The following STXBP5L variants were observed in gnomAD, a reference collection of about 807,000 sequenced individuals.
The protein encoded by STXBP5L is syntaxin binding protein 5L.
Under a neutral mutation model 144.5 loss-of-function variants are expected in STXBP5L, and 65 were observed. The ratio of observed to expected loss-of-function variants is 0.45; its 90% CI spans 0.37 to 0.55. STXBP5L has a LOEUF of 0.55. STXBP5L is among the 20% of genes least tolerant of loss of function. STXBP5L has a pLI of 0.00. For missense variants in STXBP5L, 1,298 were observed against 1,405.5 expected (o/e 0.92, Z 1.22); for synonymous variants, 505 against 469.6 (o/e 1.08, Z -0.97).
At chr3:121,185,981 G>C (rs950426092) in intron 9 of STXBP5L, among the ~76,000 whole-genome samples, 1 of 152,056 alleles carries the variant, frequency 6.6e-6, no homozygotes, top group Non-Finnish European at 1.5e-5. Flanking sequence ...ACTGAGCAGT[G>C]GTTTGTAGTT....
chr3:121,038,240 T>G (rs944425968), intron 3 of STXBP5L, among the ~76,000 whole-genome samples: 1 of 151,992 alleles, frequency 6.6e-6, no homozygotes, highest in Non-Finnish European at 1.5e-5. Context: ...TTACATAATT[T>G]AAGATCTTTT....
chr3:121,302,073 G>A (rs2051935386), intron 19 of STXBP5L, among the ~76,000 whole-genome samples: 1 of 152,162 alleles, frequency 6.6e-6, no homozygotes, highest in South Asian at 2.1e-4. Flanking sequence ...AATGAGTTAG[G>A]GAGGATTCCC....
At chr3:121,123,999 C>T (rs2044593754) in intron 7 of STXBP5L, among the ~76,000 whole-genome samples, 1 of 151,688 alleles carries the variant, frequency 6.6e-6, no homozygotes, top group African/African-American at 2.4e-5. Context: ...CCTTGCATTT[C>T]ACAATTAGAT....
At chr3:120,958,842 C>T (rs1216719369) in intron 3 of STXBP5L, among the ~76,000 whole-genome samples, 1 of 152,128 alleles carries the variant, frequency 6.6e-6, no homozygotes. Context: ...TGAAAACTGG[C>T]ACAAGACAGG....
intron 2 of STXBP5L, among the ~76,000 whole-genome samples, chr3:120,925,886 G>A (rs903362067): frequency 2.6e-5 from 4 of 152,196 alleles, no homozygotes; most frequent in African/African-American, 9.6e-5. Flanking sequence ...TGAAAGAGAT[G>A]ACAACTTATA....
chr3:121,180,697 A>G (rs1344681378), intron 9 of STXBP5L, among the ~76,000 whole-genome samples: 3 of 152,180 alleles, frequency 2.0e-5, no homozygotes, highest in Non-Finnish European at 4.4e-5. Context: ...CAACATGGTG[A>G]AACCCCGTCT....
At chr3:121,221,404 C>A (rs1304471118) in intron 10 of STXBP5L, among the ~76,000 whole-genome samples, 1 of 151,596 alleles carries the variant, frequency 6.6e-6, no homozygotes, top group African/African-American at 2.4e-5. Context: ...AGAGTAAATT[C>A]ACCTACTTTT....
At chr3:121,244,185 G>T (rs1322261584) in intron 14 of STXBP5L, among the ~76,000 whole-genome samples, 1 of 151,842 alleles carries the variant, frequency 6.6e-6, no homozygotes, top group Non-Finnish European at 1.5e-5. Flanking sequence ...GGGAAATGAT[G>T]CATGAACAAA....
At chr3:121,026,811 C>G (rs368520599) in intron 3 of STXBP5L, among the ~76,000 whole-genome samples, 1 of 151,788 alleles carries the variant, frequency 6.6e-6, no homozygotes, top group South Asian at 2.1e-4. Context: ...CAAACCTTCA[C>G]GTTGTGCACA....
At position 121,407,594 on chromosome 3, in the gene STXBP5L, T is replaced by C; in HGVS notation, c.2939T>C (p.Met980Thr). Residue 980 changes from methionine (M) to threonine (T), a missense_variant, in exon 23 of 27, where the codon ATG (methionine) becomes ACG (threonine). Physicochemically the swap from Met to Thr is moderately conservative, Grantham distance 81. Transcript: ENST00000471454. ...TGCTTTTGTGCTAACGGACATATCA[T>C]GATAATGAGGTACTTGCCTTCTTAT... ...LACFCANGHI[M>T]IMSLPSLRPM... is the part of the protein sequence containing the mutation. 1.2e-6 allele frequency: 2 copies of C among 1,613,112 alleles called. No individual in the cohort carries two copies. Among genetic ancestry groups the C allele is most frequent in the Non-Finnish European group, 1.7e-6 (2 of 1,179,448 alleles).
At chr3:121,029,812 A>G (rs1036686875) in intron 3 of STXBP5L, among the ~76,000 whole-genome samples, 4 of 152,128 alleles carry the variant, frequency 2.6e-5, no homozygotes, top group Non-Finnish European at 5.9e-5. Flanking sequence ...CAGAATCTAC[A>G]AGGAACTTAA....
At chr3:121,165,912 AT>A (rs1360465521) in intron 9 of STXBP5L, among the ~76,000 whole-genome samples, 7 of 151,896 alleles carry the variant, frequency 4.6e-5, no homozygotes, top group South Asian at 4.1e-4. Flanking sequence ...ATAGATTTAT[AT>A]TTTTTATTTG....
At chr3:120,909,045 A>C (rs1708688525) in intron 1 of STXBP5L, 1 of 152,396 alleles carries the variant, frequency 6.6e-6, no homozygotes. Flanking sequence ...CAAAAAAGGA[A>C]GCGTTGAAGC....
chr3:120,974,169 G>C (rs1940643369), intron 3 of STXBP5L, among the ~76,000 whole-genome samples: 1 of 152,102 alleles, frequency 6.6e-6, no homozygotes, highest in African/African-American at 2.4e-5. Context: ...CAGTGTAAAA[G>C]TGTTCCTATT....
intron 5 of STXBP5L, among the ~76,000 whole-genome samples, chr3:121,092,735 T>C (rs1163440502): frequency 4.6e-5 from 7 of 152,100 alleles, no homozygotes; most frequent in East Asian, 3.9e-4. Context: ...AATTTGACTT[T>C]CTCTTTTCCT....
chr3:120,976,841 G>T (rs1423439570), intron 3 of STXBP5L, among the ~76,000 whole-genome samples: 1 of 152,134 alleles, frequency 6.6e-6, no homozygotes, highest in Non-Finnish European at 1.5e-5. Context: ...CAGTTTCCAT[G>T]TAGTTGAGCG....
chr3:121,214,248 A>G (rs1271429967), intron 10 of STXBP5L, among the ~76,000 whole-genome samples: 1 of 152,068 alleles, frequency 6.6e-6, no homozygotes, highest in Admixed American at 6.6e-5. Flanking sequence ...GTCTTCTGCT[A>G]GCTTTTGAAT....
At chr3:121,416,663 C>A (rs2047246576) in intron 25 of STXBP5L, among the ~76,000 whole-genome samples, 1 of 151,444 alleles carries the variant, frequency 6.6e-6, no homozygotes, top group South Asian at 2.1e-4. Context: ...GCCCACCATG[C>A]CTGGCTAATT....
intron 7 of STXBP5L, among the ~76,000 whole-genome samples, chr3:121,146,349 T>C (rs1047196886): frequency 6.6e-6 from 1 of 151,992 alleles, no homozygotes; most frequent in African/African-American, 2.4e-5. Flanking sequence ...TTCTGGTGGG[T>C]AAAATATAAT....
Sources: gnomAD v4.1 joint callset for allele counts (sites outside exome capture counted in the v4.1 genomes callset) on GRCh38, gnomAD v4.1.1 for gene constraint, MANE v1.5 for transcripts, NCBI Gene and HGNC (gene_info 2026-07-23, HGNC 2026-07-21) for gene names.